Variants in TRPC5 observed in about 807,000 individuals in gnomAD.
The protein encoded by TRPC5 is short transient receptor potential channel 5.
TRPC5 carries 9 observed loss-of-function variants against 56.5 expected under a neutral mutation model. That is an observed-to-expected ratio of 0.16 (90% CI 0.10 to 0.28). The LOEUF is 0.28. TRPC5 is among the 10% of genes least tolerant of loss of function. TRPC5 has a pLI of 1.00. For synonymous variants in TRPC5, 282 were observed against 278.5 expected (o/e 1.01, Z -0.13); for missense variants, 469 against 748.9 (o/e 0.63, Z 4.36).
At chrX:112,067,646 G>T (rs1183805406) in intron 1 of TRPC5, among the ~76,000 whole-genome samples, 1 of 111,836 alleles carries the variant, frequency 8.9e-6, no homozygotes. Flanking sequence ...TCTGCCAACT[G>T]CCCACCTCCA....
intron 2 of TRPC5, among the ~76,000 whole-genome samples, chrX:111,919,465 G>A (rs776183392): frequency 3.6e-5 from 4 of 111,982 alleles, no homozygotes; most frequent in Non-Finnish European, 7.5e-5. Flanking sequence ...AACACTCAAC[G>A]CAAAGCTCCA....
At chrX:111,835,180 T>C in intron 6 of TRPC5, 64 bp from the exon 7 acceptor site, 2 of 987,415 alleles carry the variant, frequency 2.0e-6, no homozygotes, top group Non-Finnish European at 2.8e-6. Context: ...AGAGAGAAAA[T>C]GTAAGGTGAT....
At chrX:112,050,521 A>C (rs146808811) in intron 1 of TRPC5, among the ~76,000 whole-genome samples, 1,170 of 112,581 alleles carry the variant, frequency 0.01, 11 homozygotes, top group African/African-American at 0.036. Flanking sequence ...TCTTGTGCAC[A>C]TCTTGCTAAC....
intron 6 of TRPC5, among the ~76,000 whole-genome samples, chrX:111,845,920 A>G (rs867964306): frequency 1.7e-4 from 19 of 112,132 alleles, no homozygotes; most frequent in African/African-American, 5.5e-4. Flanking sequence ...GACAAGGAGC[A>G]TGGCCTAGTG....
At chrX:111,999,533 A>G (rs73548151) in intron 1 of TRPC5, among the ~76,000 whole-genome samples, 6,666 of 111,893 alleles carry the variant, frequency 0.06, 486 homozygotes, top group African/African-American at 0.2. Flanking sequence ...GAGCACTTAG[A>G]TTGACTCCAT....
At chrX:111,932,083 C>G (rs1926431683) in intron 2 of TRPC5, among the ~76,000 whole-genome samples, 1 of 110,180 alleles carries the variant, frequency 9.1e-6, no homozygotes, top group East Asian at 2.9e-4. Flanking sequence ...CTGGGCAGCA[C>G]CAATATTTAA....
intron 3 of TRPC5, chrX:111,901,549 G>T (rs1472940854): frequency 4.4e-5 from 8 of 182,692 alleles, no homozygotes; most frequent in Non-Finnish European, 8.0e-5. Flanking sequence ...GGTCTGCTTT[G>T]CTGTTTTCTC....
At chrX:112,074,632 T>G (rs748501368) in intron 1 of TRPC5, among the ~76,000 whole-genome samples, 1 of 111,666 alleles carries the variant, frequency 9.0e-6, no homozygotes, top group Non-Finnish European at 1.9e-5. Context: ...TACCTGCCTG[T>G]TTCCATGAAT....
intron 1 of TRPC5, among the ~76,000 whole-genome samples, chrX:112,046,680 C>A (rs1006207736): frequency 9.0e-6 from 1 of 111,643 alleles, no homozygotes; most frequent in African/African-American, 3.3e-5. Flanking sequence ...TTGGGGCACA[C>A]TTCAGGAATC....
chrX:111,781,311 C>T (rs756702389), intron 8 of TRPC5, 105 bp from the exon 9 acceptor site: 14 of 688,000 alleles, frequency 2.0e-5, no homozygotes, highest in Middle Eastern at 3.3e-4. Context: ...CTAGAGAATG[C>T]TACAGGAGCT....
At chrX:111,802,730 G>T (rs1208706838) in intron 7 of TRPC5, among the ~76,000 whole-genome samples, 1 of 111,522 alleles carries the variant, frequency 9.0e-6, no homozygotes, top group Non-Finnish European at 1.9e-5. Context: ...ATTCCTGAGG[G>T]AGAATTCTGT....
chrX:111,986,375 T>C (rs1204360038), intron 1 of TRPC5, among the ~76,000 whole-genome samples: 1 of 110,610 alleles, frequency 9.0e-6, no homozygotes, highest in Admixed American at 9.6e-5. Flanking sequence ...TCCCTGGATT[T>C]CTGTCTGTTG....
intron 3 of TRPC5, among the ~76,000 whole-genome samples, chrX:111,865,830 T>G (rs1006710100): frequency 4.4e-5 from 5 of 112,545 alleles, no homozygotes; most frequent in African/African-American, 1.6e-4. Context: ...TTCCTTAGTG[T>G]GTGAAAGGAG....
At chrX:112,041,834 T>C (rs1929900928) in intron 1 of TRPC5, among the ~76,000 whole-genome samples, 1 of 112,147 alleles carries the variant, frequency 8.9e-6, no homozygotes, top group Non-Finnish European at 1.9e-5. Flanking sequence ...ACAGGTAATA[T>C]TGCTTATAGC....
chrX:111,792,623 C>G (rs1946031949), intron 7 of TRPC5, among the ~76,000 whole-genome samples: 1 of 111,752 alleles, frequency 8.9e-6, no homozygotes, highest in African/African-American at 3.3e-5. Flanking sequence ...CCCAGTGACC[C>G]ACTTAAAGAA....
intron 1 of TRPC5, among the ~76,000 whole-genome samples, chrX:112,050,253 T>C (rs1332430848): frequency 8.9e-6 from 1 of 112,722 alleles, no homozygotes; most frequent in Non-Finnish European, 1.9e-5. Flanking sequence ...TTTTCGATAC[T>C]GAATTGACTT....
rs1426100639 is a variant in TRPC5, at chrX:111,967,385, G to A, written c.-21-14944C>T. 4.9e-4 allele frequency among the ~76,000 whole-genome samples: 54 copies of A among 110,631 alleles called. No individual in the cohort carries two copies. The Admixed American group carries it at 5.0e-3, about 10-fold the overall frequency. On this transcript the variant is annotated intron_variant, in intron 1 of 10. Transcript: ENST00000262839. Reference sequence around the variant, plus strand: ...CTCATGGGTAGGAAGAATCAATATCGTGAAAATGGCCATACTGCCCAAGGT... The same window carrying A: ...CTCATGGGTAGGAAGAATCAATATCATGAAAATGGCCATACTGCCCAAGGT...
In TRPC5 at chrX:111,769,422, G is replaced by A. The variant is rs978066952; in HGVS notation, c.*6891C>T. On this transcript the variant is annotated 3_prime_UTR_variant, in exon 11 of 11. Coordinates refer to ENST00000262839, the MANE Select transcript of TRPC5 (RefSeq NM_012471.3). ...AAGTGTTCTCTTCAGGAGGCTATGT[G>A]CTTATTCATGTAAGGCTACCACTGC... 1.8e-5 allele frequency among the ~76,000 whole-genome samples: 2 copies of A among 111,601 alleles called. No homozygotes were observed. The highest frequency in any genetic ancestry group is 6.5e-5 in the African/African-American group (2 of 30,698).
intron 1 of TRPC5, among the ~76,000 whole-genome samples, chrX:112,068,434 G>T (rs907413977): frequency 8.9e-6 from 1 of 112,469 alleles, no homozygotes; most frequent in Non-Finnish European, 1.9e-5. Context: ...GAATGATAGG[G>T]ATTCATACAC....
Sources: allele counts gnomAD v4.1 joint callset (sites outside exome capture counted in the v4.1 genomes callset), GRCh38; gene constraint gnomAD v4.1.1; transcripts MANE v1.5; gene names NCBI Gene and HGNC (gene_info 2026-07-23, HGNC 2026-07-21).